The following CNGB1 variants were observed in gnomAD, a reference collection of about 807,000 sequenced individuals.
CNGB1 encodes cyclic nucleotide-gated channel beta-1.
CNGB1 carries 126 observed loss-of-function variants against 151.7 expected under a neutral mutation model. The observed-to-expected ratio is 0.83, with a 90% CI of 0.72 to 0.96. The LOEUF (loss-of-function observed/expected upper bound fraction) is 0.96. Among genes scored for constraint, CNGB1 ranks in the 40% least tolerant of loss-of-function variants. CNGB1 has a pLI of 0.00. For missense variants in CNGB1, 1,698 were observed against 1,627.0 expected (o/e 1.04, Z -0.75); for synonymous variants, 623 against 635.1 (o/e 0.98, Z 0.29).
chr16:57,904,657 A>G (rs1381098236), intron 26 of CNGB1, 77 bp downstream of exon 26: 2 of 1,597,806 alleles, frequency 1.3e-6, no homozygotes, highest in African/African-American at 1.3e-5. Flanking sequence ...ACGGGCACAG[A>G]GGGTGACATT....
chr16:57,954,798 CTG>C (rs1962041919), intron 12 of CNGB1: 2 of 989,448 alleles, frequency 2.0e-6, no homozygotes, highest in Admixed American at 1.2e-4. Context: ...CTGGGAAAAA[CTG>C]TATCCTGTCG....
At chr16:57,915,396 G>A (rs151206358) in intron 22 of CNGB1, 61 bp from the exon 23 acceptor site, 29 of 1,299,320 alleles carry the variant, frequency 2.2e-5, no homozygotes, top group East Asian at 2.1e-4. Context: ...GAAGGTGAGG[G>A]GAGTGAGAGG....
At chr16:57,965,510 CAT>C (rs1374878456) in intron 2 of CNGB1, among the ~76,000 whole-genome samples, 13 of 152,174 alleles carry the variant, frequency 8.5e-5, no homozygotes, top group South Asian at 4.1e-4. Context: ...CAGTCACACA[CAT>C]GTGCATATTT....
At chr16:57,955,229 T>A in intron 12 of CNGB1, 3 of 1,540,950 alleles carry the variant, frequency 1.9e-6, no homozygotes. Flanking sequence ...GCTGTTCAAA[T>A]AGGGTGGGGT....
intron 12 of CNGB1, among the ~76,000 whole-genome samples, chr16:57,954,043 G>C (rs1480390954): frequency 1.3e-5 from 2 of 152,168 alleles, no homozygotes; most frequent in African/African-American, 4.8e-5. Flanking sequence ...CAGCCTCAGA[G>C]TAATCTTTCT....
chr16:57,964,474 C>T lies in CNGB1; in HGVS notation c.217+13G>A. The T allele has an allele frequency of 6.2e-7, 1 of 1,613,960 alleles. No individual in the cohort carries two copies. Among genetic ancestry groups the T allele is most frequent in the Non-Finnish European group, 8.5e-7 (1 of 1,180,010 alleles). On this transcript the variant is annotated intron_variant, in intron 3 of 32. Transcript: ENST00000251102. ...CCTGCCATGCCAGCCTGGGCTTCAGCACTCGCACTCACCCTGAGGGCTTGG... is the reference window on the plus strand; with the variant it reads ...CCTGCCATGCCAGCCTGGGCTTCAGTACTCGCACTCACCCTGAGGGCTTGG...
chr16:57,893,824 T>G (rs1162816664), intron 31 of CNGB1, among the ~76,000 whole-genome samples: 2 of 151,990 alleles, frequency 1.3e-5, no homozygotes, highest in Non-Finnish European at 2.9e-5. Flanking sequence ...AAAAAAAATT[T>G]ACAGCAGCAA....
intron 29 of CNGB1, 32 bp downstream of exon 29, chr16:57,901,320 C>G (rs1960379659): frequency 1.2e-6 from 2 of 1,608,424 alleles, no homozygotes; most frequent in Non-Finnish European, 1.7e-6. Flanking sequence ...TGGTGAACCC[C>G]AGATCCCGTG....
intron 2 of CNGB1, among the ~76,000 whole-genome samples, chr16:57,966,255 A>T (rs1478257594): frequency 6.6e-6 from 1 of 151,872 alleles, no homozygotes; most frequent in Non-Finnish European, 1.5e-5. Context: ...CCTCCTCTCC[A>T]CCTATGTCTC....
Position 57,884,149 on chromosome 16 carries a change from C to A in CNGB1, c.*15G>T. Reference sequence around the variant, plus strand: ...CACCTGCTGGAACTGCGCGCGGGATCCGCCTCACCCCACCTTACTCCGCCT... The same window carrying A: ...CACCTGCTGGAACTGCGCGCGGGATACGCCTCACCCCACCTTACTCCGCCT... On this transcript the variant is annotated 3_prime_UTR_variant, in exon 33 of 33. Transcript: ENST00000251102. 1 of 1,613,980 alleles carries A rather than the reference C, an allele frequency of 6.2e-7. No homozygotes were observed. Among genetic ancestry groups the A allele is most frequent in the Non-Finnish European group, 8.5e-7 (1 of 1,179,894 alleles).
At chr16:57,917,224 C>T (rs751138559) in intron 21 of CNGB1, 44 bp downstream of exon 21, 23 of 1,534,188 alleles carry the variant, frequency 1.5e-5, no homozygotes, top group South Asian at 2.3e-5. Context: ...TCTGGCTGAG[C>T]GGTCTGCCCC....
At chr16:57,891,897 TG>T (rs1960100955) in intron 31 of CNGB1, among the ~76,000 whole-genome samples, 2 of 152,082 alleles carry the variant, frequency 1.3e-5, no homozygotes, top group Admixed American at 1.3e-4. Flanking sequence ...TTATTAACAT[TG>T]AACGCACAGC....
chr16:57,912,804 G>A (rs552629563), intron 24 of CNGB1, 126 bp downstream of exon 24: 4 of 924,056 alleles, frequency 4.3e-6, no homozygotes, highest in East Asian at 5.1e-5. Context: ...TGTATGTTGT[G>A]TGTGTGTTGT....
intron 14 of CNGB1, among the ~76,000 whole-genome samples, chr16:57,943,713 AACACTTAC>A (rs1408904205): frequency 1.3e-5 from 2 of 152,156 alleles, no homozygotes; most frequent in African/African-American, 4.8e-5. Flanking sequence ...GTGGAAAGGG[AACACTTAC>A]ACACTGTTGG....
At position 57,897,917 on chromosome 16, in the gene CNGB1, G is replaced by A; in HGVS notation, c.2977-3C>T. ...TACATCTCACGGCCGATCTCCCCCT[G>A]AAACAAAGAAGTGACAAGTCCCTCT... On this transcript the variant is annotated splice_polypyrimidine_tract_variant and splice_region_variant and intron_variant, in intron 29 of 32. Transcript: ENST00000251102. The A allele has an allele frequency of 6.2e-7, 1 of 1,614,000 alleles. No individual in the cohort carries two copies. The highest frequency in any genetic ancestry group is 8.5e-7 in the Non-Finnish European group (1 of 1,179,856).
Position 57,904,725 on chromosome 16 carries a change from C to A in CNGB1, c.2634+9G>T. ...GGTGGGGTGGGAAGCTGGGCTGGTG[C>A]CCCGATACCTGTCCGATCATCACAG... is the stretch of plus-strand genomic sequence containing the variant. On this transcript the variant is annotated intron_variant, in intron 26 of 32. Coordinates refer to ENST00000251102, the MANE Select transcript of CNGB1 (RefSeq NM_001297.5). 1 of 1,613,954 alleles carries A rather than the reference C, an allele frequency of 6.2e-7. No individual in the cohort carries two copies. Among genetic ancestry groups the A allele is most frequent in the African/African-American group, 1.3e-5 (1 of 75,030 alleles).
intron 16 of CNGB1, among the ~76,000 whole-genome samples, chr16:57,937,536 C>G (rs1382256371): frequency 6.6e-6 from 1 of 152,154 alleles, no homozygotes; most frequent in African/African-American, 2.4e-5. Flanking sequence ...GCTGGCCCAC[C>G]CAGGAGCACC....
intron 28 of CNGB1, 21 bp downstream of exon 28, chr16:57,901,507 T>C (rs779560122): frequency 6.2e-7 from 1 of 1,613,616 alleles, no homozygotes. Context: ...GCCCTGAGCG[T>C]GAGGGCACCA....
Position 57,884,061 on chromosome 16 carries a change from T to G in CNGB1, c.*103A>C, listed in dbSNP as rs1445927993. 2.6e-6 allele frequency: 4 copies of G among 1,548,850 alleles called. No homozygotes were observed. Among genetic ancestry groups the G allele is most frequent in the Non-Finnish European group, 2.7e-6 (3 of 1,122,120 alleles). ...AGGTCACGACTACGGAAAAGCATCT[T>G]CTCTTGAGCCGTGGGGGAAGGTGGG... On this transcript the variant is annotated 3_prime_UTR_variant, in exon 33 of 33. Coordinates refer to ENST00000251102, the MANE Select transcript of CNGB1 (RefSeq NM_001297.5).
Sources: allele counts gnomAD v4.1 joint callset (sites outside exome capture counted in the v4.1 genomes callset), GRCh38; gene constraint gnomAD v4.1.1; transcripts MANE v1.5; gene names NCBI Gene and HGNC (gene_info 2026-07-23, HGNC 2026-07-21).